NFATC3: variants seen among roughly 807,000 people sequenced by gnomAD.
NFATC3 encodes nuclear factor of activated T cells 3, also known as nuclear factor of activated T-cells, cytoplasmic 3.
NFATC3 carries 46 observed loss-of-function variants against 98.6 expected under a neutral mutation model. The observed-to-expected ratio is 0.47, with a 90% CI of 0.37 to 0.60. The LOEUF is 0.60. NFATC3 is among the 20% of genes least tolerant of loss of function. NFATC3 has a pLI of 0.00. For synonymous variants in NFATC3, 512 were observed against 472.2 expected (o/e 1.08, Z -1.09); for missense variants, 1,256 against 1,295.5 (o/e 0.97, Z 0.47).
At chr16:68,186,259 T>C (rs2040196182) in intron 8 of NFATC3, among the ~76,000 whole-genome samples, 1 of 152,018 alleles carries the variant, frequency 6.6e-6, no homozygotes, top group African/African-American at 2.4e-5. Context: ...ATTAAAACAT[T>C]CAAATTCTTG....
chr16:68,215,330 C>T (rs2041591273), intron 9 of NFATC3, among the ~76,000 whole-genome samples: 1 of 152,196 alleles, frequency 6.6e-6, no homozygotes, highest in Non-Finnish European at 1.5e-5. Flanking sequence ...GTATATAAAA[C>T]TCTCAGGAGA....
intron 3 of NFATC3, among the ~76,000 whole-genome samples, chr16:68,145,305 A>G (rs559482325): frequency 5.3e-5 from 8 of 151,702 alleles, no homozygotes; most frequent in Non-Finnish European, 8.8e-5. Flanking sequence ...CACCATGCCC[A>G]GCTATTTTTA....
At chr16:68,133,990 C>A (rs773047152) in intron 3 of NFATC3, among the ~76,000 whole-genome samples, 2 of 152,006 alleles carry the variant, frequency 1.3e-5, no homozygotes, top group Non-Finnish European at 2.9e-5. Context: ...AATTTATACT[C>A]CCAATCAGCC....
At chr16:68,190,285 C>G (rs2040380373) in intron 8 of NFATC3, among the ~76,000 whole-genome samples, 2 of 152,128 alleles carry the variant, frequency 1.3e-5, no homozygotes, top group African/African-American at 4.8e-5. Context: ...GTCATGATTT[C>G]TGGTATATGA....
At chr16:68,226,282 C>A in intron 9 of NFATC3, 68 bp from the exon 10 acceptor site, 1 of 1,511,826 alleles carries the variant, frequency 6.6e-7, no homozygotes, top group Non-Finnish European at 8.8e-7. Context: ...AGGTAGAGCT[C>A]AGCGTTGGGC....
chr16:68,204,229 G>T (rs1174520322), intron 9 of NFATC3, among the ~76,000 whole-genome samples: 1 of 151,570 alleles, frequency 6.6e-6, no homozygotes, highest in African/African-American at 2.4e-5. Context: ...ACGCATGGTG[G>T]TGAACGCCTG....
At position 68,191,092 on chromosome 16, in the gene NFATC3, A is replaced by G. The variant is rs1433418461; in HGVS notation, c.2423A>G (p.Asn808Ser). The change falls in exon 9 of 10, where the codon AAT (asparagine) becomes AGT (serine). Residue 808 changes from asparagine (N) to serine (S), a missense_variant. Physicochemically the swap from Asn to Ser is conservative, Grantham distance 46. This residue lies in a region of NFATC3 where 636 missense variants were observed against 617.3 expected (regional missense o/e 1.03). Transcript: ENST00000346183. Reference sequence around the variant, plus strand: ...TCTTCCTATCAGCCTATGCAAACTAATGTTGTGTACAATGGACCAACTTGT... The same window carrying G: ...TCTTCCTATCAGCCTATGCAAACTAGTGTTGTGTACAATGGACCAACTTGT... ...VGSSYQPMQTNVVYNGPTCLP... is the reference protein window; with the variant it reads ...VGSSYQPMQTSVVYNGPTCLP... 3.1e-6 allele frequency: 5 copies of G among 1,614,096 alleles called. No homozygotes were observed. Among genetic ancestry groups the G allele is most frequent in the Non-Finnish European group, 4.2e-6 (5 of 1,180,040 alleles).
intron 4 of NFATC3, among the ~76,000 whole-genome samples, chr16:68,160,064 CA>C (rs2038818227): frequency 6.6e-6 from 1 of 151,718 alleles, no homozygotes; most frequent in Non-Finnish European, 1.5e-5. Flanking sequence ...AACTCCGACT[CA>C]AAAAGAAAAA....
intron 9 of NFATC3, among the ~76,000 whole-genome samples, chr16:68,192,549 G>A (rs2040490201): frequency 6.6e-6 from 1 of 151,856 alleles, no homozygotes; most frequent in African/African-American, 2.4e-5. Context: ...TGCTGGGAAT[G>A]CGAAGGATGT....
chr16:68,089,911 A>G (rs1480346612), intron 1 of NFATC3, among the ~76,000 whole-genome samples: 2 of 152,210 alleles, frequency 1.3e-5, no homozygotes, highest in African/African-American at 2.4e-5. Flanking sequence ...GTAGTATCTT[A>G]TCTACTACTG....
chr16:68,221,272 G>C (rs1231793902), intron 9 of NFATC3: 1 of 1,614,082 alleles, frequency 6.2e-7, no homozygotes, highest in Middle Eastern at 1.7e-4. Flanking sequence ...GAAGATATCT[G>C]AGGAATCTAG....
intron 1 of NFATC3, among the ~76,000 whole-genome samples, chr16:68,105,653 G>C (rs924034610): frequency 2.0e-5 from 3 of 152,148 alleles, no homozygotes; most frequent in South Asian, 2.1e-4. Flanking sequence ...TTTTTTGGAA[G>C]AATGTGAGAA....
rs528980951 is a variant in NFATC3 at position 68,185,914 on chromosome 16, G to A, written c.2098+2548G>A. On this transcript the variant is annotated intron_variant, in intron 8 of 9. Coordinates refer to ENST00000346183, the MANE Select transcript of NFATC3 (RefSeq NM_173165.3). ...AACCAGGAGAATTTGCCGCCTTTCA[G>A]CCCATGAATTGGGAGGACAATAAAA... is the stretch of plus-strand genomic sequence containing the variant. Among the ~76,000 whole-genome samples, 4 of 148,834 alleles carry A rather than the reference G, an allele frequency of 2.7e-5. No individual in the cohort carries two copies. The South Asian group carries it at 8.6e-4, about 32-fold the overall frequency.
chr16:68,123,822 A>C (rs752640236), intron 2 of NFATC3, among the ~76,000 whole-genome samples: 54 of 135,164 alleles, frequency 4.0e-4, no homozygotes, highest in Non-Finnish European at 8.6e-4. Flanking sequence ...GTGTCTCTAC[A>C]AAAAATACAA....
chr16:68,172,201 A>T (rs1206627088), intron 5 of NFATC3, among the ~76,000 whole-genome samples: 1 of 152,150 alleles, frequency 6.6e-6, no homozygotes, highest in Admixed American at 6.5e-5. Flanking sequence ...GTCCCAATTT[A>T]TGTACTTTTG....
At chr16:68,094,422 CA>C (rs199789472) in intron 1 of NFATC3, among the ~76,000 whole-genome samples, 8,834 of 135,558 alleles carry the variant, frequency 0.065, 253 homozygotes, top group Middle Eastern at 0.19. Flanking sequence ...TTCACATGTT[CA>C]AAAAAAAAAA....
At position 68,217,643 on chromosome 16, in the gene NFATC3, T is replaced by G. The variant is rs998363755; in HGVS notation, c.3107-8707T>G. ...CAGAGACATTTCCACATAGGAAATT[T>G]CTCTCACACCTCATGATAATTCAGA... On this transcript the variant is annotated intron_variant, in intron 9 of 9. Transcript: ENST00000346183. 7 of 1,231,006 alleles carry G rather than the reference T, an allele frequency of 5.7e-6. No homozygotes were observed. In the African/African-American group the frequency reaches 6.2e-5, roughly 11 times the overall value. The allele number at this position is 1,231,006 out of a possible 1,614,324, so 76.3% of individuals were successfully genotyped here. A position where few individuals can be genotyped will look rare whatever the true frequency, so the allele number is the denominator to read the frequency against.
At chr16:68,112,646 G>GTTTTTTTTTT (rs914607835) in intron 1 of NFATC3, among the ~76,000 whole-genome samples, 6 of 97,644 alleles carry the variant, frequency 6.1e-5, no homozygotes, top group Admixed American at 2.5e-4. Flanking sequence ...TTTCTTTTTC[G>GTTTTTTTTTT]TTTTTTTTTT....
At chr16:68,133,289 C>A (rs567496482) in intron 3 of NFATC3, among the ~76,000 whole-genome samples, 3 of 152,096 alleles carry the variant, frequency 2.0e-5, no homozygotes, top group Admixed American at 1.3e-4. Flanking sequence ...TGTATGTTCA[C>A]AAAGCTAGAA....
Sources: gnomAD v4.1 joint callset for allele counts (sites outside exome capture counted in the v4.1 genomes callset) on GRCh38, gnomAD v4.1.1 for gene constraint, gnomAD v4.1.1 regional missense constraint, MANE v1.5 for transcripts, NCBI Gene and HGNC (gene_info 2026-07-23, HGNC 2026-07-21) for gene names.